The following MBOAT7 variants were observed in gnomAD, a reference collection of about 807,000 sequenced individuals.
MBOAT7 encodes membrane bound acylglycerophosphatidylinositol O-acyltransferase MBOAT7.
Under a neutral mutation model 47.4 loss-of-function variants are expected in MBOAT7, and 40 were observed. The ratio of observed to expected loss-of-function variants is 0.84; its 90% CI spans 0.66 to 1.10. The LOEUF is 1.10. MBOAT7 is among the 50% of genes least tolerant of loss of function. The pLI is 0.00. For missense variants in MBOAT7, 680 were observed against 655.6 expected, an observed-to-expected ratio of 1.04 and a Z score of -0.41; for synonymous variants, 361 against 292.0, an observed-to-expected ratio of 1.24 and a Z score of -2.41.
chr19:54,186,775 T>C (rs2076438985), intron 4 of MBOAT7, among the ~76,000 whole-genome samples: 1 of 152,212 alleles, frequency 6.6e-6, no homozygotes, highest in African/African-American at 2.4e-5. Context: ...GAGCCAGACC[T>C]GGATGCCCTA....
chr19:54,186,199 G>C (rs553406720), intron 4 of MBOAT7, among the ~76,000 whole-genome samples: 1 of 151,846 alleles, frequency 6.6e-6, no homozygotes, highest in East Asian at 1.9e-4. Context: ...ATTTTTAGTA[G>C]AGACAGGGTT....
intron 7 of MBOAT7, chr19:54,178,501 T>C (rs997898547): frequency 7.4e-7 from 1 of 1,350,402 alleles, no homozygotes; most frequent in Non-Finnish European, 9.5e-7. Context: ...AGGCTGGCTA[T>C]TGAGTCCACA....
chr19:54,187,260 C>G lies in MBOAT7; in HGVS notation c.234G>C (p.Trp78Cys). The part of the protein sequence containing the change: ...PCSCHALALA[W>C]TFSYLLFFRA... ...GGAAGAACAGGAGATAGGAGAAAGT[C>G]CAGGCCAGAGCCAGGGCGTGGCAGG... Residue 78 changes from tryptophan (W) to cysteine (C), a missense_variant, in exon 4 of 8, where the codon TGG (tryptophan) becomes TGC (cysteine). By Grantham distance (215) the Trp-to-Cys change is radical. Transcript: ENST00000245615. The G allele has an allele frequency of 1.2e-6, 2 of 1,610,756 alleles. No homozygotes were observed. The highest frequency in any genetic ancestry group is 1.7e-6 in the Non-Finnish European group (2 of 1,178,708).
chr19:54,178,671 G>A (rs1202172875), intron 7 of MBOAT7, 94 bp downstream of exon 7: 35 of 1,518,880 alleles, frequency 2.3e-5, no homozygotes, highest in African/African-American at 8.3e-5. Flanking sequence ...GCCTCCGGGG[G>A]CAGGGGCCCA....
Position 54,188,833 on chromosome 19 carries a change from C to A in MBOAT7, c.-3-322G>T, listed in dbSNP as rs183169787. Among the ~76,000 whole-genome samples the A allele has an allele frequency of 1.3e-3, 199 of 152,264 alleles. No individual in the cohort carries two copies. The Middle Eastern group carries it at 0.014, about 10-fold the overall frequency. On this transcript the variant is annotated intron_variant, in intron 1 of 7. Coordinates refer to ENST00000245615, the MANE Select transcript of MBOAT7 (RefSeq NM_024298.5). ...CGAACGCAGAAATCAAAGCTACTCC[C>A]CGCACCCATACTGGGGACCCAGATT... is the stretch of plus-strand genomic sequence containing the variant.
In MBOAT7 at chr19:54,188,421, A is replaced by C; in HGVS notation, c.76+12T>G. On this transcript the variant is annotated intron_variant, in intron 2 of 7. Coordinates refer to ENST00000245615, the MANE Select transcript of MBOAT7 (RefSeq NM_024298.5). The stretch of plus-strand genomic sequence containing the variant: ...CCCCTTTATTTTCCACTGGGGAGGG[A>C]GCCTGACTCACCGGCTTTCTTAAAG... The C allele has an allele frequency of 6.4e-7, 1 of 1,568,460 alleles. No homozygotes were observed. Among genetic ancestry groups the C allele is most frequent in the Non-Finnish European group, 8.7e-7 (1 of 1,155,746 alleles).
At position 54,183,380 on chromosome 19, in the gene MBOAT7, C is replaced by T. The variant is rs1052569734; in HGVS notation, c.493+141G>A. The T allele has an allele frequency of 7.1e-6, 7 of 989,476 alleles. No individual in the cohort carries two copies. In the African/African-American group the frequency reaches 8.3e-5, roughly 12 times the overall value. The allele number at this position is 989,476 out of a possible 1,614,324, so 61.3% of individuals were successfully genotyped here. A position where few individuals can be genotyped will look rare whatever the true frequency, so the allele number is the denominator to read the frequency against. ...GTCCAGCGGAGGTGTGAGACGTAGACCCAGACACATGCCCACCCTCACAGC... is the reference window on the plus strand; with the variant it reads ...GTCCAGCGGAGGTGTGAGACGTAGATCCAGACACATGCCCACCCTCACAGC... On this transcript the variant is annotated intron_variant, in intron 5 of 7. Coordinates refer to ENST00000245615, the MANE Select transcript of MBOAT7 (RefSeq NM_024298.5).
intron 7 of MBOAT7, among the ~76,000 whole-genome samples, chr19:54,177,930 T>TTTTA (rs2076157923): frequency 7.8e-6 from 1 of 128,410 alleles, no homozygotes; most frequent in Non-Finnish European, 1.7e-5. Flanking sequence ...TTTTTTTTTT[T>TTTTA]GAGACGGAGT....
At chr19:54,187,052 AG>A in intron 4 of MBOAT7, 108 bp downstream of exon 4, 1 of 1,350,630 alleles carries the variant, frequency 7.4e-7, no homozygotes, top group African/African-American at 1.5e-5. Flanking sequence ...TCCCACCCCC[AG>A]GGTGTGTTGG....
Position 54,177,900 on chromosome 19 carries a change from G to GTTTTTTTTTTT in MBOAT7, c.1031+854_1031+864dup, listed in dbSNP as rs761565984. On this transcript the variant is annotated intron_variant, in intron 7 of 7. Coordinates refer to ENST00000245615, the MANE Select transcript of MBOAT7 (RefSeq NM_024298.5). ...ATGCCTGGCTATGAGTTCTACTTCT[G>GTTTTTTTTTTT]TTTTTTTTTTTTTTTTTTTTTTTTT... Among the ~76,000 whole-genome samples, 61 of 75,986 alleles carry GTTTTTTTTTTT rather than the reference G, an allele frequency of 8.0e-4. 12 individuals carry two copies. The highest frequency in any genetic ancestry group is 1.2e-3 in the Non-Finnish European group (48 of 41,168). 49.8% of individuals were successfully genotyped at this position (75,986 alleles called of 152,430 possible). A position where few individuals can be genotyped will look rare whatever the true frequency, so the allele number is the denominator to read the frequency against.
At chr19:54,183,719 C>G in intron 4 of MBOAT7, 39 bp from the exon 5 acceptor site, 1 of 1,496,384 alleles carries the variant, frequency 6.7e-7, no homozygotes, top group South Asian at 1.4e-5. Context: ...AGGTCAGACT[C>G]TGGGCCCTTC....
intron 7 of MBOAT7, chr19:54,178,321 C>A (rs1215504566): frequency 3.8e-6 from 4 of 1,038,986 alleles, no homozygotes; most frequent in Non-Finnish European, 4.6e-6. Flanking sequence ...CACGCACTTA[C>A]CTGTCAGGCC....
rs2147042645 is a variant in MBOAT7, at chr19:54,188,072, AAAC to A, written c.206+142_206+144del. ...AAGAAAGAAAGAAAGAAAGAAAGAC[AAAC>A]AAACAAACATGAAACAGAGAAATGA... On this transcript the variant is annotated intron_variant, in intron 3 of 7. Transcript: ENST00000245615. 2.6e-5 allele frequency: 18 copies of A among 679,958 alleles called. No individual in the cohort carries two copies. The African/African-American group carries it at 2.7e-4, about 10-fold the overall frequency. The allele number at this position is 679,958 out of a possible 1,614,324, so 42.1% of individuals were successfully genotyped here. A position where few individuals can be genotyped will look rare whatever the true frequency, so the allele number is the denominator to read the frequency against.
At position 54,184,248 on chromosome 19, in the gene MBOAT7, C is replaced by T. The variant is rs372226656; in HGVS notation, c.334-568G>A. ...TGTGATCTCGGCTCACTGCAACCCC[C>T]ACCTCCTGGGGGCGCAAGCAATTCT... On this transcript the variant is annotated intron_variant, in intron 4 of 7. Coordinates refer to ENST00000245615, the MANE Select transcript of MBOAT7 (RefSeq NM_024298.5). 3.9e-4 allele frequency among the ~76,000 whole-genome samples: 57 copies of T among 146,962 alleles called. 4 individuals are homozygous for T. The highest frequency in any genetic ancestry group is 3.0e-3 in the East Asian group (15 of 4,976).
At chr19:54,176,029 G>A (rs540456314) in intron 7 of MBOAT7, among the ~76,000 whole-genome samples, 1 of 151,880 alleles carries the variant, frequency 6.6e-6, no homozygotes, top group Non-Finnish European at 1.5e-5. Context: ...AGCCATTTTT[G>A]TATTTTTAGT....
chr19:54,176,134 T>A (rs552556830), intron 7 of MBOAT7, among the ~76,000 whole-genome samples: 1 of 152,196 alleles, frequency 6.6e-6, no homozygotes, highest in East Asian at 1.9e-4. Context: ...GGATTACAGG[T>A]CTGAGCCACC....
rs777379271 is a variant in MBOAT7 at position 54,181,111 on chromosome 19, G to A, written c.516C>T (p.Thr172=). The change falls in exon 6 of 8, where the codon ACC becomes ACT. Residue 172 remains threonine (T), a synonymous_variant. Transcript: ENST00000245615. Reference sequence around the variant, plus strand: ...AGGGCTGCTCCAGCCAGTCCAGGTAGGTGCGGTAGCGGAAGAACGGGCCTG... The same window carrying A: ...AGGGCTGCTCCAGCCAGTCCAGGTAAGTGCGGTAGCGGAAGAACGGGCCTG... ...IMTGPFFRYR[T]YLDWLEQPFP... 6.7e-7 allele frequency: 1 copy of A among 1,489,370 alleles called. No homozygotes were observed. The highest frequency in any genetic ancestry group is 8.9e-7 in the Non-Finnish European group (1 of 1,119,492). The allele number at this position is 1,489,370 out of a possible 1,614,324, so 92.3% of individuals were successfully genotyped here.
chr19:54,178,887 G>C lies in MBOAT7; in HGVS notation c.909C>G (p.Asp303Glu). 1 of 1,613,646 alleles carries C rather than the reference G, an allele frequency of 6.2e-7. No homozygotes were observed. Among genetic ancestry groups the C allele is most frequent in the Non-Finnish European group, 8.5e-7 (1 of 1,180,026 alleles). ...GCACGCAGAAATCTGTGCTGTAGCA[G>C]TCGATGTTGCGGATGGTCTCATAGT... ...EYDYETIRNI[D>E]CYSTDFCVRV... The change falls in exon 7 of 8, where the codon GAC (aspartate) becomes GAG (glutamate). Residue 303 changes from aspartate to glutamate, a missense_variant. Physicochemically the swap from Asp to Glu is conservative, Grantham distance 45 (BLOSUM62 2). Transcript: ENST00000245615.
Position 54,180,715 on chromosome 19 carries a change from C to G in MBOAT7, c.854+58G>C, listed in dbSNP as rs113507394. 7.0e-7 allele frequency: 1 copy of G among 1,432,600 alleles called. No individual in the cohort carries two copies. Among genetic ancestry groups the G allele is most frequent in the Non-Finnish European group, 9.1e-7 (1 of 1,094,030 alleles). The allele number at this position is 1,432,600 out of a possible 1,614,324, so 88.7% of individuals were successfully genotyped here. A position where few individuals can be genotyped will look rare whatever the true frequency, so the allele number is the denominator to read the frequency against. On this transcript the variant is annotated intron_variant, in intron 6 of 7. Coordinates refer to ENST00000245615, the MANE Select transcript of MBOAT7 (RefSeq NM_024298.5). The surrounding 1 kb of genome is among the most constrained non-coding windows in gnomAD (Gnocchi z 5.2). The stretch of plus-strand genomic sequence containing the variant: ...GCTCTCCTCCCGGCTAGGGGCAGAG[C>G]CAGCCCTTGGAGGTGGGGGCTGCTG...
Sources: gnomAD v4.1 joint callset for allele counts (sites outside exome capture counted in the v4.1 genomes callset) on GRCh38, gnomAD v4.1.1 for gene constraint, Gnocchi (gnomAD v3.1) non-coding constraint, MANE v1.5 for transcripts, NCBI Gene and HGNC (gene_info 2026-07-23, HGNC 2026-07-21) for gene names.